KCNB2: variants seen among roughly 807,000 people sequenced by gnomAD.
KCNB2 encodes potassium voltage-gated channel subfamily B member 2.
Under a neutral mutation model 61.5 loss-of-function variants are expected in KCNB2, and 15 were observed. That is an observed-to-expected ratio of 0.24 (90% confidence interval 0.16 to 0.38). The LOEUF (loss-of-function observed/expected upper bound fraction) is 0.38, where lower values mean the gene tolerates loss of function less well. Among genes scored for constraint, KCNB2 ranks in the 10% least tolerant of loss-of-function variants. KCNB2 has a pLI of 1.00. For synonymous variants in KCNB2, 457 were observed against 446.0 expected (o/e 1.02, Z -0.31); for missense variants, 828 against 1,125.2 (o/e 0.74, Z 3.78).
intron 2 of KCNB2, among the ~76,000 whole-genome samples, chr8:72,648,000 A>G (rs1181528378): frequency 6.6e-6 from 1 of 152,100 alleles, no homozygotes; most frequent in African/African-American, 2.4e-5. Flanking sequence ...GTCAGGGGCC[A>G]ATGGTCAGGT....
intron 2 of KCNB2, among the ~76,000 whole-genome samples, chr8:72,760,725 C>G (rs1808364895): frequency 6.6e-6 from 1 of 152,192 alleles, no homozygotes; most frequent in Non-Finnish European, 1.5e-5. Context: ...TAAGTACAGC[C>G]TCATATTTAC....
chr8:72,564,814 G>A (rs1806599856), intron 1 of KCNB2, among the ~76,000 whole-genome samples: 3 of 152,112 alleles, frequency 2.0e-5, no homozygotes, highest in African/African-American at 7.2e-5. Context: ...GAACATATAT[G>A]TAAAGAGAAA....
chr8:72,724,428 G>A (rs986401628), intron 2 of KCNB2, among the ~76,000 whole-genome samples: 3 of 152,166 alleles, frequency 2.0e-5, no homozygotes, highest in Non-Finnish European at 4.4e-5. Context: ...TATGCCATAA[G>A]ATTTTGAATC....
At chr8:72,806,357 A>C (rs560362915) in intron 2 of KCNB2, among the ~76,000 whole-genome samples, 106 of 104,540 alleles carry the variant, frequency 1.0e-3, no homozygotes, top group Admixed American at 2.7e-3. Flanking sequence ...GACTCTAAGA[A>C]AAAAAAAAAA....
At chr8:72,825,078 G>A (rs775507441) in intron 2 of KCNB2, among the ~76,000 whole-genome samples, 1 of 152,028 alleles carries the variant, frequency 6.6e-6, no homozygotes, top group Non-Finnish European at 1.5e-5. Flanking sequence ...CCCAGCCCCT[G>A]GCAACCACTG....
chr8:72,647,288 T>A (rs1806144056), intron 2 of KCNB2, among the ~76,000 whole-genome samples: 1 of 152,120 alleles, frequency 6.6e-6, no homozygotes, highest in Non-Finnish European at 1.5e-5. Context: ...AATAGCCACA[T>A]TTTCATATCC....
chr8:72,800,286 C>A (rs1809103248), intron 2 of KCNB2, among the ~76,000 whole-genome samples: 1 of 152,082 alleles, frequency 6.6e-6, no homozygotes, highest in Non-Finnish European at 1.5e-5. Flanking sequence ...ATATAACTAT[C>A]CTCCTTCAAG....
At chr8:72,732,735 T>C (rs1462200575) in intron 2 of KCNB2, among the ~76,000 whole-genome samples, 1 of 152,208 alleles carries the variant, frequency 6.6e-6, no homozygotes, top group East Asian at 1.9e-4. Flanking sequence ...TTGAGATTAA[T>C]ATTAAGTATA....
intron 2 of KCNB2, among the ~76,000 whole-genome samples, chr8:72,729,947 C>G (rs1010357423): frequency 5.3e-5 from 8 of 151,674 alleles, no homozygotes; most frequent in Admixed American, 3.9e-4. Flanking sequence ...AATATATGGT[C>G]TTAATGGGGG....
intron 2 of KCNB2, among the ~76,000 whole-genome samples, chr8:72,846,566 A>G (rs28857335): frequency 1.1e-4 from 16 of 143,620 alleles, no homozygotes; most frequent in African/African-American, 4.2e-4. Flanking sequence ...ACAAAAAAAA[A>G]GAAAAAAAAA....
At chr8:72,677,567 C>T (rs1450655139) in intron 2 of KCNB2, among the ~76,000 whole-genome samples, 1 of 152,168 alleles carries the variant, frequency 6.6e-6, no homozygotes, top group Non-Finnish European at 1.5e-5. Flanking sequence ...TCCAATCAGG[C>T]TTTTTTCAAA....
chr8:72,681,324 A>C (rs2256451), intron 2 of KCNB2, among the ~76,000 whole-genome samples: 107,739 of 152,018 alleles, frequency 0.71, 39,102 homozygotes, highest in African/African-American at 0.85. Context: ...TTTCTCTTGG[A>C]AGCTGATAAA....
At chr8:72,549,334 CCAGAA>C (rs1806308578) in intron 1 of KCNB2, among the ~76,000 whole-genome samples, 1 of 152,198 alleles carries the variant, frequency 6.6e-6, no homozygotes, top group Admixed American at 6.5e-5. Flanking sequence ...GTAACAAACA[CCAGAA>C]TGTTAGCGAT....
intron 2 of KCNB2, among the ~76,000 whole-genome samples, chr8:72,818,315 C>G (rs1272948910): frequency 1.3e-5 from 2 of 152,108 alleles, no homozygotes; most frequent in Non-Finnish European, 2.9e-5. Context: ...TCTATTACTC[C>G]TATTACAATG....
At chr8:72,756,080 C>A (rs546497504) in intron 2 of KCNB2, among the ~76,000 whole-genome samples, 1 of 152,120 alleles carries the variant, frequency 6.6e-6, no homozygotes, top group African/African-American at 2.4e-5. Context: ...TCTGTATAAG[C>A]CTCATGTGCC....
At chr8:72,747,013 G>A (rs1229653192) in intron 2 of KCNB2, among the ~76,000 whole-genome samples, 3 of 152,110 alleles carry the variant, frequency 2.0e-5, no homozygotes, top group Non-Finnish European at 4.4e-5. Flanking sequence ...AAGGGTACCT[G>A]GGATTTGTTT....
chr8:72,885,862 G>A (rs973120886), intron 2 of KCNB2, among the ~76,000 whole-genome samples: 3 of 152,002 alleles, frequency 2.0e-5, no homozygotes, highest in Non-Finnish European at 4.4e-5. Flanking sequence ...AATATGCTAC[G>A]ATAAAGACTG....
At chr8:72,870,907 G>C (rs1805605462) in intron 2 of KCNB2, among the ~76,000 whole-genome samples, 1 of 152,202 alleles carries the variant, frequency 6.6e-6, no homozygotes, top group Non-Finnish European at 1.5e-5. Context: ...AGCCTGGAAG[G>C]CAGAGGTTGC....
chr8:72,801,278 T>C (rs1809121001), intron 2 of KCNB2, among the ~76,000 whole-genome samples: 1 of 152,204 alleles, frequency 6.6e-6, no homozygotes, highest in South Asian at 2.1e-4. Context: ...AAGATATCTT[T>C]ATTGCTAGCA....
Sources: gnomAD v4.1 joint callset for allele counts (sites outside exome capture counted in the v4.1 genomes callset) on GRCh38, gnomAD v4.1.1 for gene constraint, MANE v1.5 for transcripts, NCBI Gene and HGNC (gene_info 2026-07-23, HGNC 2026-07-21) for gene names.